The following MEI4 variants were observed in gnomAD, a reference collection of about 807,000 sequenced individuals.
MEI4 encodes the protein meiosis-specific protein MEI4.
In MEI4, 27 loss-of-function variants were observed where a neutral mutation model predicts 31.4. The observed-to-expected ratio is 0.86, with a 90% CI of 0.63 to 1.19. The LOEUF (loss-of-function observed/expected upper bound fraction) is 1.19, where lower values mean the gene tolerates loss of function less well. MEI4 is among the 50% of genes most tolerant of loss of function. The probability of loss-of-function intolerance (pLI) is 0.00; values close to 1 mark genes in which losing one functional copy is unlikely to be tolerated. For missense variants in MEI4, 329 were observed against 398.9 expected (o/e 0.82, Z 1.49); for synonymous variants, 122 against 145.4 (o/e 0.84, Z 1.16).
chr6:77,813,735 C>T (rs1769626974), intron 3 of MEI4, among the ~76,000 whole-genome samples: 1 of 151,994 alleles, frequency 6.6e-6, no homozygotes, highest in South Asian at 2.1e-4. Context: ...TTTGTCTGAT[C>T]AAAACTACAT....
chr6:77,883,717 GATATATATATATAT>G (rs570185624), intron 4 of MEI4, among the ~76,000 whole-genome samples: 3 of 43,338 alleles, frequency 6.9e-5, no homozygotes, highest in Non-Finnish European at 1.1e-4. Context: ...TATTATGTAA[GATATATATATATAT>G]ATATATATAT....
chr6:77,840,805 A>C (rs896590247), intron 4 of MEI4, among the ~76,000 whole-genome samples: 4 of 152,134 alleles, frequency 2.6e-5, no homozygotes, highest in Admixed American at 2.0e-4. Flanking sequence ...CAGGGGAACA[A>C]CATTTCAAAT....
intron 1 of MEI4, among the ~76,000 whole-genome samples, chr6:77,682,774 A>C (rs1330627896): frequency 1.3e-5 from 2 of 152,170 alleles, no homozygotes; most frequent in African/African-American, 4.8e-5. Context: ...CTGCTTGGTC[A>C]TACTGGAAAG....
At chr6:77,809,580 A>G (rs143241156) in intron 3 of MEI4, among the ~76,000 whole-genome samples, 2 of 152,258 alleles carry the variant, frequency 1.3e-5, no homozygotes, top group Non-Finnish European at 2.9e-5. Flanking sequence ...GGAAAGGTAT[A>G]TTATGCGTTT....
intron 4 of MEI4, among the ~76,000 whole-genome samples, chr6:77,858,427 T>C (rs1770791076): frequency 6.6e-6 from 1 of 152,162 alleles, no homozygotes; most frequent in African/African-American, 2.4e-5. Context: ...ATTAAATTAT[T>C]TGAGTTATTT....
intron 2 of MEI4, among the ~76,000 whole-genome samples, chr6:77,712,146 A>G (rs1450177929): frequency 6.6e-6 from 1 of 152,172 alleles, no homozygotes; most frequent in Non-Finnish European, 1.5e-5. Flanking sequence ...TGCATGATTT[A>G]CAAGTAAATG....
intron 3 of MEI4, among the ~76,000 whole-genome samples, chr6:77,772,817 G>C (rs924633123): frequency 6.6e-6 from 1 of 151,892 alleles, no homozygotes; most frequent in Non-Finnish European, 1.5e-5. Context: ...GACTCCACAA[G>C]AAAACTGTAA....
chr6:77,752,965 G>A (rs1373459871), intron 2 of MEI4, among the ~76,000 whole-genome samples: 1 of 152,150 alleles, frequency 6.6e-6, no homozygotes, highest in Non-Finnish European at 1.5e-5. Context: ...ATAACCATTG[G>A]ATCTTTGACA....
At chr6:77,898,817 A>T (rs577903509) in intron 4 of MEI4, among the ~76,000 whole-genome samples, 2 of 151,816 alleles carry the variant, frequency 1.3e-5, no homozygotes, top group Non-Finnish European at 2.9e-5. Flanking sequence ...GTCCCTTTAG[A>T]TCTCTCTGTC....
chr6:77,866,674 G>T (rs1396028549), intron 4 of MEI4, among the ~76,000 whole-genome samples: 2 of 152,168 alleles, frequency 1.3e-5, no homozygotes, highest in Non-Finnish European at 2.9e-5. Context: ...TAGATTCAGT[G>T]CCATCCCCAT....
chr6:77,665,734 G>A (rs1300392914), intron 1 of MEI4, among the ~76,000 whole-genome samples: 6 of 152,100 alleles, frequency 3.9e-5, no homozygotes, highest in South Asian at 4.1e-4. Flanking sequence ...CCTTTGTCTC[G>A]CCCGGAAAAT....
At chr6:77,777,643 G>A (rs892135022) in intron 3 of MEI4, among the ~76,000 whole-genome samples, 2 of 152,114 alleles carry the variant, frequency 1.3e-5, no homozygotes, top group Admixed American at 6.5e-5. Flanking sequence ...CACGAACCAA[G>A]AGCTTCTAGT....
At chr6:77,908,264 G>C (rs1196940937) in intron 4 of MEI4, among the ~76,000 whole-genome samples, 1 of 152,088 alleles carries the variant, frequency 6.6e-6, no homozygotes, top group Non-Finnish European at 1.5e-5. Flanking sequence ...TTTTCTTCTA[G>C]GGATTTTATG....
At chr6:77,672,957 C>T (rs1382733526) in intron 1 of MEI4, among the ~76,000 whole-genome samples, 1 of 152,182 alleles carries the variant, frequency 6.6e-6, no homozygotes, top group Non-Finnish European at 1.5e-5. Context: ...GCAGGTAAGA[C>T]AGATACAAGG....
chr6:77,918,039 GC>G (rs1305049540), intron 4 of MEI4, among the ~76,000 whole-genome samples: 6 of 151,472 alleles, frequency 4.0e-5, no homozygotes, highest in South Asian at 2.1e-4. Context: ...TTTCCCCATT[GC>G]TTGTTTTTCT....
chr6:77,738,700 C>G (rs1767317854), intron 2 of MEI4, among the ~76,000 whole-genome samples: 1 of 152,144 alleles, frequency 6.6e-6, no homozygotes, highest in Non-Finnish European at 1.5e-5. Flanking sequence ...CTAATTTACA[C>G]TTCCACCAAC....
At chr6:77,917,309 T>A (rs1316895535) in intron 4 of MEI4, among the ~76,000 whole-genome samples, 1 of 149,906 alleles carries the variant, frequency 6.7e-6, no homozygotes, top group Non-Finnish European at 1.5e-5. Context: ...CTGGGTCAAA[T>A]GGTATTTCTA....
At chr6:77,750,138 A>G (rs937011835) in intron 2 of MEI4, among the ~76,000 whole-genome samples, 7 of 152,216 alleles carry the variant, frequency 4.6e-5, no homozygotes, top group Non-Finnish European at 1.0e-4. Flanking sequence ...CATGGAAAGG[A>G]ACAACCGGTA....
chr6:77,881,797 AGT>A (rs1172122361), intron 4 of MEI4, among the ~76,000 whole-genome samples: 1 of 152,258 alleles, frequency 6.6e-6, no homozygotes, highest in African/African-American at 2.4e-5. Flanking sequence ...ACATAATGAA[AGT>A]GTGAAATATA....
Sources: gnomAD v4.1 joint callset for allele counts (sites outside exome capture counted in the v4.1 genomes callset) on GRCh38, gnomAD v4.1.1 for gene constraint, MANE v1.5 for transcripts, NCBI Gene and HGNC (gene_info 2026-07-23, HGNC 2026-07-21) for gene names.